The following SURF2 variants were observed in gnomAD, a reference collection of about 807,000 sequenced individuals.
SURF2 encodes surfeit 2.
In SURF2, 32 loss-of-function variants were observed where a neutral mutation model predicts 26.2. The observed-to-expected ratio is 1.22, with a 90% CI of 0.92 to 1.64. The LOEUF (loss-of-function observed/expected upper bound fraction) is 1.64, where lower values mean the gene tolerates loss of function less well. SURF2 is among the 40% of genes most tolerant of loss of function. The pLI is 0.00. For synonymous variants in SURF2, 173 were observed against 139.1 expected, an observed-to-expected ratio of 1.24 and a Z score of -1.71; for missense variants, 415 against 341.6, an observed-to-expected ratio of 1.21 and a Z score of -1.69.
chr9:133,360,058 C>A lies in SURF2; in HGVS notation c.446C>A (p.Ala149Asp), dbSNP rs2130047193. Residue 149 changes from alanine (A) to aspartate (D), a missense_variant, in exon 4 of 6, where the codon GCC becomes GAC. Transcript: ENST00000371964. ...MDGDGPRPRE[A>D]FWEPTSSDEG... ...GGTGACGGGCCTCGCCCGCGGGAAG[C>A]CTTCTGGGAGCCCACATCCAGTGAT... 1 of 1,614,006 alleles carries A rather than the reference C, an allele frequency of 6.2e-7. No homozygotes were observed. The highest frequency in any genetic ancestry group is 2.2e-5 in the East Asian group (1 of 44,880).
intron 5 of SURF2, among the ~76,000 whole-genome samples, chr9:133,360,735 G>A (rs979693766): frequency 2.0e-5 from 3 of 152,230 alleles, no homozygotes; most frequent in Non-Finnish European, 4.4e-5. Flanking sequence ...CCTGGGCACA[G>A]GGACCTGATT....
At chr9:133,358,181 C>G (rs2130038858) in intron 3 of SURF2, among the ~76,000 whole-genome samples, 12 of 152,182 alleles carry the variant, frequency 7.9e-5, no homozygotes, top group African/African-American at 2.9e-4. Context: ...GGGAACAGCA[C>G]CCCAGGGAGA....
At position 133,361,106 on chromosome 9, in the gene SURF2, C is replaced by G; in HGVS notation, c.738C>G (p.Pro246=). The G allele has an allele frequency of 6.2e-7, 1 of 1,614,174 alleles. No individual in the cohort carries two copies. The highest frequency in any genetic ancestry group is 1.1e-5 in the South Asian group (1 of 91,086). The change falls in exon 6 of 6, where the codon CCC becomes CCG. Residue 246 remains proline, a synonymous_variant. Coordinates refer to ENST00000371964, the MANE Select transcript of SURF2 (RefSeq NM_017503.5). ...AGTTCAAGAGTCATCACCGCAAACCCAAGAGCTTCAGCTCCTGTAAACAGC... is the reference window on the plus strand; with the variant it reads ...AGTTCAAGAGTCATCACCGCAAACCGAAGAGCTTCAGCTCCTGTAAACAGC... ...KKKFKSHHRK[P]KSFSSCKQPG
chr9:133,357,031 G>A lies in SURF2; in HGVS notation c.196G>A (p.Glu66Lys). The A allele has an allele frequency of 6.3e-7, 1 of 1,577,696 alleles. No homozygotes were observed. The highest frequency in any genetic ancestry group is 8.6e-7 in the Non-Finnish European group (1 of 1,163,448). ...CGCCTCCCCGGCCTTCGACTATGCA[G>A]AGTTCGAGCCGCACATCGTGCCCAG... ...VRASPAFDYA[E>K]FEPHIVPSTK... Residue 66 changes from glutamate to lysine, a missense_variant, in exon 2 of 6, where the codon GAG becomes AAG. By Grantham distance (56) the Glu-to-Lys change is moderately conservative. Coordinates refer to ENST00000371964, the MANE Select transcript of SURF2 (RefSeq NM_017503.5).
At chr9:133,357,114 A>C (rs2130032942) in intron 2 of SURF2, 46 bp downstream of exon 2, 1 of 1,484,890 alleles carries the variant, frequency 6.7e-7, no homozygotes, top group Admixed American at 2.2e-5. Flanking sequence ...CAATTAGGAC[A>C]GCCCCTCCGC....
intron 5 of SURF2, 108 bp from the exon 6 acceptor site, chr9:133,360,948 T>G: frequency 8.6e-7 from 1 of 1,167,832 alleles, no homozygotes; most frequent in Admixed American, 1.9e-5. Flanking sequence ...CTGTGGGTAT[T>G]TGACCGACAC....
intron 1 of SURF2, 112 bp downstream of exon 1, chr9:133,356,782 A>AGGAGAGAG: frequency 9.8e-7 from 1 of 1,022,930 alleles, no homozygotes; most frequent in Admixed American, 2.9e-5. Context: ...AGGGGAGAGC[A>AGGAGAGAG]GGAGAGAGGG....
intron 2 of SURF2, 99 bp downstream of exon 2, chr9:133,357,167 G>A: frequency 1.5e-6 from 2 of 1,378,166 alleles, no homozygotes; most frequent in Non-Finnish European, 1.9e-6. Flanking sequence ...TCAGAGTTGG[G>A]AGCCCTGGGA....
chr9:133,356,640 G>C lies in SURF2; in HGVS notation c.48G>C (p.Pro16=), dbSNP rs1256368587. 11 of 1,526,812 alleles carry C rather than the reference G, an allele frequency of 7.2e-6. No individual in the cohort carries two copies. In the East Asian group the frequency reaches 1.8e-4, roughly 24 times the overall value. The allele number at this position is 1,526,812 out of a possible 1,614,324, so 94.6% of individuals were successfully genotyped here. ...TGCGGGCGTTTCTGCGGGAGCACCCGAGCCTGCGGCTCCAGACGGACGCCC... is the reference window on the plus strand; with the variant it reads ...TGCGGGCGTTTCTGCGGGAGCACCCCAGCCTGCGGCTCCAGACGGACGCCC... ...GDVRAFLREH[P]SLRLQTDARK... is the part of the protein sequence containing the mutation. The change falls in exon 1 of 6, where the codon CCG becomes CCC. Residue 16 remains proline (P), a synonymous_variant. Transcript: ENST00000371964.
rs2130046656 is a variant in SURF2 at position 133,360,035 on chromosome 9, T to G, written c.423T>G (p.Gly141=). Residue 141 remains glycine, a synonymous_variant, in exon 4 of 6, where the codon GGT becomes GGG. Coordinates refer to ENST00000371964, the MANE Select transcript of SURF2 (RefSeq NM_017503.5). ...GGAGGAGGGAGGACCAGATGGACGG[T>G]GACGGGCCTCGCCCGCGGGAAGCCT... is the stretch of plus-strand genomic sequence containing the variant. ...RRRRREDQMD[G]DGPRPREAFW... 4.3e-6 allele frequency: 7 copies of G among 1,614,022 alleles called. No individual in the cohort carries two copies. Among genetic ancestry groups the G allele is most frequent in the Non-Finnish European group, 5.9e-6 (7 of 1,179,942 alleles).
In SURF2 at chr9:133,356,742, G is replaced by A. The variant is rs1836608155; in HGVS notation, c.78+72G>A. 7 of 1,445,552 alleles carry A rather than the reference G, an allele frequency of 4.8e-6. No individual in the cohort carries two copies. In the South Asian group the frequency reaches 8.2e-5, roughly 17 times the overall value. 89.5% of individuals were successfully genotyped at this position (1,445,552 alleles called of 1,614,324 possible). ...GGGATGAGGGGCTGAGGGGAGGGCA[G>A]GGGAGAGGAGAGGGCAGGGGAGAGG... On this transcript the variant is annotated intron_variant, in intron 1 of 5. Coordinates refer to ENST00000371964, the MANE Select transcript of SURF2 (RefSeq NM_017503.5).
At chr9:133,360,616 C>T (rs1178313622) in intron 5 of SURF2, among the ~76,000 whole-genome samples, 182 bp downstream of exon 5, 1 of 152,276 alleles carries the variant, frequency 6.6e-6, no homozygotes, top group African/African-American at 2.4e-5. Flanking sequence ...CATTGCTTCC[C>T]AGCCAGCCCC....
chr9:133,357,010 TC>T lies in SURF2; in HGVS notation c.179del (p.Pro60ArgfsTer39). On this transcript the variant is annotated frameshift_variant, in exon 2 of 6. Coordinates refer to ENST00000371964, the MANE Select transcript of SURF2 (RefSeq NM_017503.5). LOFTEE classifies it high-confidence loss of function. ...AAAGTACCAGCGGCTGGTCCGCGCC[TC>T]CCCGGCCTTCGACTATGCAGAGTTC... ...GKKYQRLVRA[S>X]PAFDYAEFEP... is the part of the protein sequence containing the mutation. 1 of 1,569,134 alleles carries T rather than the reference TC, an allele frequency of 6.4e-7. No homozygotes were observed. Among genetic ancestry groups the T allele is most frequent in the Non-Finnish European group, 8.6e-7 (1 of 1,158,624 alleles).
chr9:133,360,234 A>C, intron 4 of SURF2, 31 bp from the exon 5 acceptor site: 4 of 1,608,228 alleles, frequency 2.5e-6, no homozygotes, highest in Non-Finnish European at 3.4e-6. Context: ...AGCCTAAAAT[A>C]ACTGTCAGCC....
intron 3 of SURF2, among the ~76,000 whole-genome samples, chr9:133,358,668 A>C (rs2130040358): frequency 6.6e-6 from 1 of 152,130 alleles, no homozygotes; most frequent in Non-Finnish European, 1.5e-5. Flanking sequence ...GATAGATTTG[A>C]TAACACAGAG....
chr9:133,358,539 G>A (rs2130039993), intron 3 of SURF2, among the ~76,000 whole-genome samples: 8,530 of 152,254 alleles, frequency 0.056, 327 homozygotes, highest in Non-Finnish European at 0.087. Flanking sequence ...TGGTTGCACC[G>A]TGGATCTGGG....
chr9:133,356,629 C>A lies in SURF2; in HGVS notation c.37C>A (p.Arg13=). 1 of 1,525,892 alleles carries A rather than the reference C, an allele frequency of 6.6e-7. No homozygotes were observed. The highest frequency in any genetic ancestry group is 8.7e-7 in the Non-Finnish European group (1 of 1,143,550). The allele number at this position is 1,525,892 out of a possible 1,614,324, so 94.5% of individuals were successfully genotyped here. A position where few individuals can be genotyped will look rare whatever the true frequency, so the allele number is the denominator to read the frequency against. ...GCCGGGCGACGTGCGGGCGTTTCTG[C>A]GGGAGCACCCGAGCCTGCGGCTCCA... ...ELPGDVRAFL[R]EHPSLRLQTD... Residue 13 remains arginine (R), a synonymous_variant, in exon 1 of 6, where the codon CGG becomes AGG. Transcript: ENST00000371964.
chr9:133,360,543 C>A, intron 5 of SURF2, 109 bp downstream of exon 5: 2 of 1,308,118 alleles, frequency 1.5e-6, no homozygotes, highest in Non-Finnish European at 2.0e-6. Context: ...AATCCCAAGC[C>A]AACAACACAC....
chr9:133,357,955 G>T, intron 3 of SURF2, 141 bp downstream of exon 3: 1 of 775,148 alleles, frequency 1.3e-6, no homozygotes, highest in South Asian at 1.7e-5. Context: ...ACAGTGAAGA[G>T]AGGGATGATG....
Sources: allele counts gnomAD v4.1 joint callset (sites outside exome capture counted in the v4.1 genomes callset), GRCh38; gene constraint gnomAD v4.1.1; transcripts MANE v1.5; gene names NCBI Gene and HGNC (gene_info 2026-07-23, HGNC 2026-07-21).